The following PFKFB3 variants were observed in gnomAD, a reference collection of about 807,000 sequenced individuals.
The protein encoded by PFKFB3 is 6-phosphofructo-2-kinase/fructose-2,6-biphosphatase 3.
In PFKFB3, 33 loss-of-function variants were observed where a neutral mutation model predicts 68.0. The ratio of observed to expected loss-of-function variants is 0.49; its 90% CI spans 0.37 to 0.65. The LOEUF is 0.65. Ranked by LOEUF, PFKFB3 falls within the 30% of genes least tolerant of loss-of-function variation. The pLI is 0.00. For missense variants in PFKFB3, 586 were observed against 712.2 expected (o/e 0.82, Z 2.02); for synonymous variants, 315 against 288.2 (o/e 1.09, Z -0.94).
intron 6 of PFKFB3, 35 bp downstream of exon 6, chr10:6,217,226 G>A: frequency 1.3e-6 from 2 of 1,583,426 alleles, no homozygotes; most frequent in South Asian, 1.1e-5. Flanking sequence ...TTCTGCGGCA[G>A]CGTAGACCAC....
Position 6,229,325 on chromosome 10 carries a change from G to A in PFKFB3, c.1515+2960G>A, listed in dbSNP as rs1845577870. On this transcript the variant is annotated intron_variant, in intron 14 of 14. Transcript: ENST00000379775. This position sits in a 1 kb window ranked among gnomAD's most constrained non-coding sequence, Gnocchi z 4.3. The stretch of plus-strand genomic sequence containing the variant: ...CCGTTTAATGGTTGAGGGGCTGAGT[G>A]ACCGGCCCGTGCTTCCAGCAGGTGA... 1 of 365,554 alleles carries A rather than the reference G, an allele frequency of 2.7e-6. No homozygotes were observed. Among genetic ancestry groups the A allele is most frequent in the Admixed American group, 3.3e-5 (1 of 30,454 alleles). 22.6% of individuals were successfully genotyped at this position (365,554 alleles called of 1,614,324 possible). A position where few individuals can be genotyped will look rare whatever the true frequency, so the allele number is the denominator to read the frequency against.
the PFKFB3 span, among the ~76,000 whole-genome samples, chr10:6,262,452 CAAAAAAAAAAA>C: frequency 4.0e-4 from 11 of 27,620 alleles, no homozygotes; most frequent in East Asian, 0.012. Context: ...GACTCCATCT[CAAAAAAAAAAA>C]AAAAAAAAAA....
chr10:6,177,995 T>C (rs528403615), intron 1 of PFKFB3, among the ~76,000 whole-genome samples: 1 of 152,080 alleles, frequency 6.6e-6, no homozygotes, highest in Non-Finnish European at 1.5e-5. Flanking sequence ...GTGGATATCA[T>C]GAGGGTGGCT....
intron 1 of PFKFB3, among the ~76,000 whole-genome samples, chr10:6,206,847 G>A (rs56654879): frequency 4.9e-4 from 8 of 16,266 alleles, no homozygotes; most frequent in African/African-American, 8.9e-4. Context: ...ACGGGGTGGC[G>A]GCCGGGCAGA....
At chr10:6,223,624 C>T (rs1303527098) in intron 11 of PFKFB3, among the ~76,000 whole-genome samples, 1 of 152,114 alleles carries the variant, frequency 6.6e-6, no homozygotes, top group African/African-American at 2.4e-5. Flanking sequence ...ACCCTCATGT[C>T]TCATTTCTTT....
the PFKFB3 span, among the ~76,000 whole-genome samples, chr10:6,302,781 T>C: frequency 0.041 from 5,357 of 130,998 alleles, 130 homozygotes; most frequent in Middle Eastern, 0.16. Flanking sequence ...CACACACACA[T>C]ATACACATAC....
the PFKFB3 span, among the ~76,000 whole-genome samples, chr10:6,307,713 G>A: frequency 6.6e-6 from 1 of 152,092 alleles, no homozygotes; most frequent in Non-Finnish European, 1.5e-5. Flanking sequence ...CACAGCCTGA[G>A]GTGATGAAAA....
chr10:6,159,951 G>T (rs1282943524), intron 1 of PFKFB3, among the ~76,000 whole-genome samples: 2 of 151,004 alleles, frequency 1.3e-5, no homozygotes, highest in African/African-American at 4.9e-5. Flanking sequence ...TAGAGACGAG[G>T]TCTTGCCATC....
rs552159686 is a variant in PFKFB3 at position 6,179,901 on chromosome 10, C to T, written c.17-33722C>T. Reference sequence around the variant, plus strand: ...AGACCGTTGAGCCCCCAGAGTGACACCCAAGCATGTAACTAACTCGAGACC... The same window carrying T: ...AGACCGTTGAGCCCCCAGAGTGACATCCAAGCATGTAACTAACTCGAGACC... On this transcript the variant is annotated intron_variant, in intron 1 of 14. Transcript: ENST00000379789. 3.9e-5 allele frequency among the ~76,000 whole-genome samples: 6 copies of T among 152,242 alleles called. No homozygotes were observed. In the East Asian group the frequency reaches 5.8e-4, roughly 15 times the overall value.
At chr10:6,281,526 G>A in the PFKFB3 span, among the ~76,000 whole-genome samples, 1 of 152,006 alleles carries the variant, frequency 6.6e-6, no homozygotes. Flanking sequence ...CTTCCATAGA[G>A]GCTCAGACAG....
chr10:6,158,002 G>A (rs78509767), intron 1 of PFKFB3, among the ~76,000 whole-genome samples: 35,826 of 151,698 alleles, frequency 0.24, 4,372 homozygotes, highest in Non-Finnish European at 0.27. Flanking sequence ...GTCAGGCAGT[G>A]TGGCTGGGCG....
chr10:6,150,916 T>C (rs778363318), intron 1 of PFKFB3, among the ~76,000 whole-genome samples: 1 of 151,422 alleles, frequency 6.6e-6, no homozygotes, highest in Non-Finnish European at 1.5e-5. Flanking sequence ...GGAGAACCGC[T>C]TGAACCTGGG....
At chr10:6,221,879 G>T in intron 10 of PFKFB3, 134 bp downstream of exon 10, 2 of 628,142 alleles carry the variant, frequency 3.2e-6, no homozygotes, top group Non-Finnish European at 5.6e-6. Flanking sequence ...TTGGAACTGA[G>T]TCCCCCCAAA....
chr10:6,267,108 C>A, the PFKFB3 span, among the ~76,000 whole-genome samples: 1 of 152,324 alleles, frequency 6.6e-6, no homozygotes, highest in East Asian at 1.9e-4. Flanking sequence ...TACAGTTCGT[C>A]CTTATATTGT....
chr10:6,219,699 T>C lies in PFKFB3; in HGVS notation c.623+6T>C, dbSNP rs1334565181. 6.2e-7 allele frequency: 1 copy of C among 1,613,012 alleles called. No individual in the cohort carries two copies. The highest frequency in any genetic ancestry group is 1.1e-5 in the South Asian group (1 of 91,054). Reference sequence around the variant, plus strand: ...GACCCCGACAAATGCGACAGGTGATTCCCGTGGCTGGCCGTCTCTGCAAGA... The same window carrying C: ...GACCCCGACAAATGCGACAGGTGATCCCCGTGGCTGGCCGTCTCTGCAAGA... On this transcript the variant is annotated splice_donor_region_variant and intron_variant, in intron 7 of 14. Coordinates refer to ENST00000379775, the MANE Select transcript of PFKFB3 (RefSeq NM_004566.4).
chr10:6,239,830 C>T (rs1357445269), downstream of PFKFB3, among the ~76,000 whole-genome samples: 2 of 152,110 alleles, frequency 1.3e-5, no homozygotes, highest in Non-Finnish European at 2.9e-5. Context: ...TGCGCCACCA[C>T]GCCTGGCTAA....
upstream of PFKFB3, among the ~76,000 whole-genome samples, chr10:6,198,245 CAAAAAA>C (rs58649656): frequency 8.7e-6 from 1 of 114,354 alleles, no homozygotes; most frequent in African/African-American, 3.0e-5. Context: ...GACTCCGTCT[CAAAAAA>C]AAAAAAAAAA....
At chr10:6,325,216 G>A in the PFKFB3 span, among the ~76,000 whole-genome samples, 1 of 152,110 alleles carries the variant, frequency 6.6e-6, no homozygotes, top group East Asian at 1.9e-4. Flanking sequence ...TGTCTCCCTT[G>A]GCCTCCCAAA....
chr10:6,322,159 A>G, the PFKFB3 span, among the ~76,000 whole-genome samples: 2 of 152,172 alleles, frequency 1.3e-5, no homozygotes, highest in Non-Finnish European at 2.9e-5. Context: ...TTTCTGCTTC[A>G]TCTAAAATTT....
Sources: gnomAD v4.1 joint callset for allele counts (sites outside exome capture counted in the v4.1 genomes callset) on GRCh38, gnomAD v4.1.1 for gene constraint, Gnocchi (gnomAD v3.1) non-coding constraint, MANE v1.5 for transcripts, NCBI Gene and HGNC (gene_info 2026-07-23, HGNC 2026-07-21) for gene names.